Variants in CDH13 observed in about 807,000 individuals in gnomAD.
CDH13 encodes the protein cadherin-13.
CDH13 carries 24 observed loss-of-function variants against 63.8 expected under a neutral mutation model. That is an observed-to-expected ratio of 0.38 (90% CI 0.27 to 0.53). The LOEUF is 0.53. Ranked by LOEUF, CDH13 falls within the 20% of genes least tolerant of loss-of-function variation. The pLI, the probability that CDH13 is intolerant of heterozygous loss-of-function variation, is 0.85. For synonymous variants in CDH13, 503 were observed against 355.3 expected (o/e 1.42, Z -4.67); for missense variants, 1,049 against 903.1 (o/e 1.16, Z -2.07).
chr16:83,158,553 C>T (rs1049543542), intron 4 of CDH13, among the ~76,000 whole-genome samples: 39 of 152,226 alleles, frequency 2.6e-4, no homozygotes, highest in African/African-American at 9.2e-4. Flanking sequence ...AGTGCTGACT[C>T]AGAGCAGCCC....
chr16:83,696,070 T>C (rs1013706175), intron 10 of CDH13, among the ~76,000 whole-genome samples: 1 of 151,798 alleles, frequency 6.6e-6, no homozygotes, highest in Non-Finnish European at 1.5e-5. Flanking sequence ...TTCTATTTGT[T>C]TGTAGAGATG....
intron 2 of CDH13, among the ~76,000 whole-genome samples, chr16:82,893,179 A>G (rs1036820576): frequency 3.3e-5 from 5 of 152,262 alleles, no homozygotes; most frequent in African/African-American, 1.2e-4. Context: ...CCTCAAAATT[A>G]CTAGAGCCAA....
intron 1 of CDH13, among the ~76,000 whole-genome samples, chr16:82,774,648 G>T (rs980414304): frequency 1.3e-5 from 2 of 152,180 alleles, no homozygotes; most frequent in Non-Finnish European, 2.9e-5. Context: ...CCATCACCCT[G>T]TGTTAAAGTT....
intron 1 of CDH13, among the ~76,000 whole-genome samples, chr16:82,663,860 A>G (rs1048477992): frequency 6.6e-6 from 1 of 152,180 alleles, no homozygotes; most frequent in African/African-American, 2.4e-5. Flanking sequence ...CTATGTGAAT[A>G]TAGCGTGGGC....
intron 2 of CDH13, among the ~76,000 whole-genome samples, chr16:82,891,012 C>A (rs1007468056): frequency 6.7e-6 from 1 of 148,706 alleles, no homozygotes; most frequent in Non-Finnish European, 1.5e-5. Context: ...GGCTAAAAGA[C>A]TAGGACATTA....
chr16:83,166,029 C>T (rs1410322955), intron 4 of CDH13, among the ~76,000 whole-genome samples: 1 of 152,100 alleles, frequency 6.6e-6, no homozygotes, highest in Non-Finnish European at 1.5e-5. Flanking sequence ...TGGAGATGTG[C>T]ATTGTTTGTG....
intron 1 of CDH13, among the ~76,000 whole-genome samples, chr16:82,660,509 G>A (rs899724310): frequency 6.6e-6 from 1 of 152,180 alleles, no homozygotes; most frequent in Non-Finnish European, 1.5e-5. Context: ...ATCTAACAGA[G>A]GCACAGGGAT....
intron 6 of CDH13, among the ~76,000 whole-genome samples, chr16:83,449,088 G>T (rs1419386123): frequency 1.3e-5 from 2 of 152,218 alleles, no homozygotes; most frequent in Admixed American, 1.3e-4. Context: ...TGTATGATCA[G>T]CAGGCTGCAG....
At chr16:83,624,724 C>T (rs1267798484) in intron 8 of CDH13, among the ~76,000 whole-genome samples, 3 of 152,124 alleles carry the variant, frequency 2.0e-5, no homozygotes, top group South Asian at 2.1e-4. Context: ...CACCTGCCCA[C>T]CTCTGGGAAA....
chr16:83,412,724 A>C (rs150616874), intron 6 of CDH13, among the ~76,000 whole-genome samples: 6 of 152,314 alleles, frequency 3.9e-5, no homozygotes, highest in African/African-American at 1.2e-4. Context: ...ATGGTTCCTA[A>C]TACGGTGAAG....
At chr16:83,207,491 A>T (rs1284088635) in intron 4 of CDH13, among the ~76,000 whole-genome samples, 1 of 152,248 alleles carries the variant, frequency 6.6e-6, no homozygotes, top group Non-Finnish European at 1.5e-5. Flanking sequence ...ATATGTACAC[A>T]TATAGGTACA....
intron 2 of CDH13, among the ~76,000 whole-genome samples, chr16:83,008,457 G>A (rs112400759): frequency 2.6e-5 from 4 of 152,314 alleles, no homozygotes; most frequent in African/African-American, 9.6e-5. Context: ...GAAGAACTAG[G>A]AGACCAGTGG....
chr16:83,370,221 A>C (rs2091339101), intron 6 of CDH13, among the ~76,000 whole-genome samples: 1 of 151,994 alleles, frequency 6.6e-6, no homozygotes, highest in African/African-American at 2.4e-5. Flanking sequence ...CCCCATCTCT[A>C]CTAAAAAATA....
intron 6 of CDH13, among the ~76,000 whole-genome samples, chr16:83,386,715 A>G (rs1001747422): frequency 2.0e-5 from 3 of 152,222 alleles, no homozygotes; most frequent in Admixed American, 6.5e-5. Context: ...GACTGCAAGT[A>G]TAAGAAAATC....
At chr16:83,052,964 G>A (rs1443857467) in intron 3 of CDH13, among the ~76,000 whole-genome samples, 5 of 151,926 alleles carry the variant, frequency 3.3e-5, no homozygotes, top group Admixed American at 6.6e-5. Context: ...CACGATAGAA[G>A]ACCGTGAAAG....
chr16:83,398,192 A>G (rs933955239), intron 6 of CDH13: 1 of 149,354 alleles, frequency 6.7e-6, no homozygotes, highest in African/African-American at 2.4e-5. Context: ...ATAACAAATC[A>G]CTGTAATGTT....
At chr16:83,200,514 C>G (rs1026064766) in intron 4 of CDH13, among the ~76,000 whole-genome samples, 2 of 152,168 alleles carry the variant, frequency 1.3e-5, no homozygotes, top group Non-Finnish European at 2.9e-5. Context: ...AGTCCCCTGT[C>G]TACACGTAGC....
chr16:83,034,751 G>A (rs562015800), intron 3 of CDH13, among the ~76,000 whole-genome samples: 12 of 152,224 alleles, frequency 7.9e-5, no homozygotes, highest in East Asian at 7.7e-4. Flanking sequence ...GCAGGTTCTC[G>A]GGACCAACCC....
At chr16:82,667,269 A>G (rs540583896) in intron 1 of CDH13, among the ~76,000 whole-genome samples, 2 of 152,250 alleles carry the variant, frequency 1.3e-5, no homozygotes, top group Non-Finnish European at 2.9e-5. Flanking sequence ...TATTAGGGAG[A>G]CAATTCCAGA....
Sources: allele counts gnomAD v4.1 joint callset (sites outside exome capture counted in the v4.1 genomes callset), GRCh38; gene constraint gnomAD v4.1.1; transcripts MANE v1.5; gene names NCBI Gene and HGNC (gene_info 2026-07-23, HGNC 2026-07-21).